DCLRE1B: variants seen among roughly 807,000 people sequenced by gnomAD.
DCLRE1B encodes 5' exonuclease Apollo.
DCLRE1B carries 6 observed loss-of-function variants against 19.8 expected under a neutral mutation model. The ratio of observed to expected loss-of-function variants is 0.30; its 90% CI spans 0.17 to 0.60. The LOEUF (loss-of-function observed/expected upper bound fraction) is 0.60, where lower values mean the gene tolerates loss of function less well. DCLRE1B is among the 20% of genes least tolerant of loss of function. The pLI is 0.87. For synonymous variants in DCLRE1B, 258 were observed against 255.7 expected, an observed-to-expected ratio of 1.01 and a Z score of -0.09; for missense variants, 622 against 654.2, an observed-to-expected ratio of 0.95 and a Z score of 0.54.
chr1:113,912,207 G>C lies in DCLRE1B; in HGVS notation c.*16G>C, dbSNP rs759364550. ...ACCCTGCTGAAGACAGGAGAGTACA[G>C]AATGACAACATTGAGCCCACACTGC... On this transcript the variant is annotated 3_prime_UTR_variant, in exon 4 of 4. Coordinates refer to ENST00000650450, the MANE Select transcript of DCLRE1B (RefSeq NM_022836.4). The C allele has an allele frequency of 6.3e-7, 1 of 1,584,020 alleles. No individual in the cohort carries two copies. The highest frequency in any genetic ancestry group is 8.6e-7 in the Non-Finnish European group (1 of 1,166,428).
Position 113,905,409 on chromosome 1 carries a change from G to A in DCLRE1B, c.-178G>A. 1 of 658,778 alleles carries A rather than the reference G, an allele frequency of 1.5e-6. No homozygotes were observed. Among genetic ancestry groups the A allele is most frequent in the Admixed American group, 3.2e-5 (1 of 31,474 alleles). The allele number at this position is 658,778 out of a possible 1,614,324, so 40.8% of individuals were successfully genotyped here. ...CGCGATTTGGGCTCCAGCGGGCAGG[G>A]TGACTTCCTTTTTCTGCCCACTCTG... On this transcript the variant is annotated 5_prime_UTR_variant, in exon 1 of 4. The change creates a new upstream start codon in the 5' untranslated region. Transcript: ENST00000650450.
chr1:113,906,452 A>T (rs1668973182), intron 1 of DCLRE1B, among the ~76,000 whole-genome samples: 2 of 150,728 alleles, frequency 1.3e-5, no homozygotes, highest in South Asian at 4.2e-4. Flanking sequence ...GATTAAGATC[A>T]GGAGTAAGTT....
At chr1:113,907,252 C>T in intron 2 of DCLRE1B, 91 bp downstream of exon 2, 1 of 1,136,812 alleles carries the variant, frequency 8.8e-7, no homozygotes, top group African/African-American at 2.1e-5. Flanking sequence ...AGACTGGGGC[C>T]TCGCAGTGTT....
At chr1:113,905,858 TG>T in intron 1 of DCLRE1B, 83 bp downstream of exon 1, 1 of 1,446,506 alleles carries the variant, frequency 6.9e-7, no homozygotes, top group East Asian at 2.4e-5. Context: ...AGTCATAGAA[TG>T]GGGGCCACGA....
Position 113,913,811 on chromosome 1 carries a change from GCTAT to G in DCLRE1B, c.*1623_*1626del, listed in dbSNP as rs1669352463. The G allele has an allele frequency of 6.6e-6, 1 of 152,068 alleles. No homozygotes were observed. Among genetic ancestry groups the G allele is most frequent in the South Asian group, 2.1e-4 (1 of 4,822 alleles). The allele number at this position is 152,068 out of a possible 1,614,324, so 9.4% of individuals were successfully genotyped here. On this transcript the variant is annotated 3_prime_UTR_variant, in exon 4 of 4. Coordinates refer to ENST00000650450, the MANE Select transcript of DCLRE1B (RefSeq NM_022836.4). ...TAATTCCTCGTAGATTAATTGATTT[GCTAT>G]CTTTTAGTTTTTTTTTCTATGCATG...
chr1:113,913,786 T>A lies in DCLRE1B; in HGVS notation c.*1595T>A, dbSNP rs1356542838. ...TGAAAGTCAAAAAAACAAAAAATTT[T>A]AATTCCTCGTAGATTAATTGATTTG... is the stretch of plus-strand genomic sequence containing the variant. On this transcript the variant is annotated 3_prime_UTR_variant, in exon 4 of 4. Coordinates refer to ENST00000650450, the MANE Select transcript of DCLRE1B (RefSeq NM_022836.4). The A allele has an allele frequency of 4.6e-5, 7 of 152,300 alleles. No individual in the cohort carries two copies. Among genetic ancestry groups the A allele is most frequent in the African/African-American group, 1.7e-4 (7 of 41,460 alleles). The allele number at this position is 152,300 out of a possible 1,614,324, so 9.4% of individuals were successfully genotyped here.
chr1:113,911,163 G>T lies in DCLRE1B; in HGVS notation c.571G>T (p.Glu191Ter). ...LYSLGKESLL[E>*]QLALEFQTWV... is the part of the protein sequence containing the mutation. ...CAGCCTGGGAAAGGAATCACTGCTG[G>T]AGCAGCTGGCCCTGGAGTTTCAGAC... Residue 191 changes from glutamate to a stop codon, truncating the protein, a stop_gained, in exon 4 of 4, where the codon GAG (glutamate) becomes TAG (stop). Coordinates refer to ENST00000650450, the MANE Select transcript of DCLRE1B (RefSeq NM_022836.4). LOFTEE classifies it low-confidence loss of function (END_TRUNC). The T allele has an allele frequency of 6.2e-7, 1 of 1,614,122 alleles. No individual in the cohort carries two copies. The highest frequency in any genetic ancestry group is 8.5e-7 in the Non-Finnish European group (1 of 1,180,014).
At position 113,905,706 on chromosome 1, in the gene DCLRE1B, G is replaced by C. The variant is rs770056066; in HGVS notation, c.120G>C (p.Leu40=). The C allele has an allele frequency of 1.2e-6, 2 of 1,614,190 alleles. No homozygotes were observed. Among genetic ancestry groups the C allele is most frequent in the East Asian group, 2.2e-5 (1 of 44,886 alleles). ...TGCACTCGGACCACACCGTGGGCCTGTCTAGCACCTGGGCCCGGCCCCTCT... is the reference window on the plus strand; with the variant it reads ...TGCACTCGGACCACACCGTGGGCCTCTCTAGCACCTGGGCCCGGCCCCTCT... ...SHMHSDHTVG[L]SSTWARPLYC... The change falls in exon 1 of 4, where the codon CTG becomes CTC. Residue 40 remains leucine (L), a synonymous_variant. Coordinates refer to ENST00000650450, the MANE Select transcript of DCLRE1B (RefSeq NM_022836.4).
At chr1:113,906,326 G>A (rs1309965963) in intron 1 of DCLRE1B, among the ~76,000 whole-genome samples, 4 of 151,862 alleles carry the variant, frequency 2.6e-5, no homozygotes, top group African/African-American at 4.8e-5. Context: ...CCCAAGTGCT[G>A]GGATTACAAG....
At position 113,913,894 on chromosome 1, in the gene DCLRE1B, A is replaced by C. The variant is rs1669355583; in HGVS notation, c.*1703A>C. On this transcript the variant is annotated 3_prime_UTR_variant, in exon 4 of 4. Coordinates refer to ENST00000650450, the MANE Select transcript of DCLRE1B (RefSeq NM_022836.4). ...CAAAGTTGAGGTAATATTGTATAGA[A>C]TTTTATAGCCTACATTTTAATTTCT... The C allele has an allele frequency of 6.6e-6, 1 of 152,188 alleles. No individual in the cohort carries two copies. The highest frequency in any genetic ancestry group is 2.4e-5 in the African/African-American group (1 of 41,440). The allele number at this position is 152,188 out of a possible 1,614,324, so 9.4% of individuals were successfully genotyped here.
intron 1 of DCLRE1B, among the ~76,000 whole-genome samples, chr1:113,906,046 CTTTTTTTTTTT>C (rs1159693224): frequency 1.0e-4 from 7 of 68,102 alleles, no homozygotes; most frequent in Non-Finnish European, 1.8e-4. Context: ...CCAAACTTGC[CTTTTTTTTTTT>C]TTTTTTTTTT....
intron 2 of DCLRE1B, among the ~76,000 whole-genome samples, chr1:113,907,647 T>C (rs1187606064): frequency 2.0e-5 from 3 of 151,962 alleles, no homozygotes; most frequent in African/African-American, 7.3e-5. Flanking sequence ...TTTTCGTATT[T>C]ACTATTAGTA....
chr1:113,905,739 C>T lies in DCLRE1B; in HGVS notation c.153C>T (p.Ser51=), dbSNP rs760179150. 1 of 1,613,896 alleles carries T rather than the reference C, an allele frequency of 6.2e-7. No homozygotes were observed. The highest frequency in any genetic ancestry group is 2.2e-5 in the East Asian group (1 of 44,884). Residue 51 remains serine (S), a synonymous_variant, in exon 1 of 4, where the codon TCC becomes TCT. Transcript: ENST00000650450. The part of the protein sequence containing the change: ...SSTWARPLYC[S]PITAHLLHRH... ...CCTGGGCCCGGCCCCTCTACTGCTC[C>T]CCAATTACAGCCCACCTCTTGCATC...
chr1:113,904,847 A>T (rs906809986), upstream of DCLRE1B: 5 of 845,112 alleles, frequency 5.9e-6, no homozygotes, highest in African/African-American at 1.7e-5. Context: ...ATCTCGCCTC[A>T]GGCTCGGCTT....
At chr1:113,908,643 C>A (rs1467139617) in intron 3 of DCLRE1B, among the ~76,000 whole-genome samples, 1 of 152,180 alleles carries the variant, frequency 6.6e-6, no homozygotes, top group Non-Finnish European at 1.5e-5. Context: ...ATAAGTAAAA[C>A]TGCAACCTGC....
chr1:113,906,936 G>T (rs957317713), intron 1 of DCLRE1B, 60 bp from the exon 2 acceptor site: 40 of 1,589,956 alleles, frequency 2.5e-5, no homozygotes, highest in Non-Finnish European at 3.4e-5. Flanking sequence ...GATAGTCCCT[G>T]ACCCGGGGAG....
rs914486084 is a variant in DCLRE1B, at chr1:113,913,945, AGATATTGT to A, written c.*1755_*1762del. 3 of 152,166 alleles carry A rather than the reference AGATATTGT, an allele frequency of 2.0e-5. No individual in the cohort carries two copies. The highest frequency in any genetic ancestry group is 7.2e-5 in the African/African-American group (3 of 41,414). The allele number at this position is 152,166 out of a possible 1,614,324, so 9.4% of individuals were successfully genotyped here. On this transcript the variant is annotated 3_prime_UTR_variant, in exon 4 of 4. Transcript: ENST00000650450. ...TGATATCTTAAGCATTTCACTTATT[AGATATTGT>A]TCAAAAATGCCATTTTTAATATTTG...
At chr1:113,906,552 G>T (rs1203838229) in intron 1 of DCLRE1B, among the ~76,000 whole-genome samples, 1 of 149,702 alleles carries the variant, frequency 6.7e-6, no homozygotes, top group African/African-American at 2.5e-5. Context: ...GTGCAGTGGC[G>T]CAAACTCGGC....
Position 113,908,120 on chromosome 1 carries a change from CT to C in DCLRE1B, c.469del (p.Ser157ProfsTer21). ...NTNCNPALVL[P>X]SRQEAAHQIV... ...AATTGCAATCCAGCCCTGGTTCTTC[CT>C]TCCCGACAAGAAGCTGCCCACCAGA... On this transcript the variant is annotated frameshift_variant, in exon 3 of 4. Transcript: ENST00000650450. LOFTEE classifies it high-confidence loss of function. 1 of 1,614,212 alleles carries C rather than the reference CT, an allele frequency of 6.2e-7. No homozygotes were observed. Among genetic ancestry groups the C allele is most frequent in the Non-Finnish European group, 8.5e-7 (1 of 1,180,034 alleles).
Sources: allele counts gnomAD v4.1 joint callset (sites outside exome capture counted in the v4.1 genomes callset), GRCh38; gene constraint gnomAD v4.1.1; transcripts MANE v1.5; gene names NCBI Gene and HGNC (gene_info 2026-07-23, HGNC 2026-07-21).